The following MERTK variants were observed in gnomAD, a reference collection of about 807,000 sequenced individuals.
The protein encoded by MERTK is tyrosine-protein kinase Mer.
In MERTK, 69 loss-of-function variants were observed where a neutral mutation model predicts 99.3. That is an observed-to-expected ratio of 0.70 (90% CI 0.57 to 0.85). The LOEUF (loss-of-function observed/expected upper bound fraction) is 0.85, where lower values mean the gene tolerates loss of function less well. Ranked by LOEUF, MERTK falls within the 40% of genes least tolerant of loss-of-function variation. MERTK has a pLI of 0.00. For missense variants in MERTK, 1,125 were observed against 1,249.4 expected (o/e 0.90, Z 1.50); for synonymous variants, 426 against 467.6 (o/e 0.91, Z 1.15).
At chr2:112,008,728 T>C in intron 14 of MERTK, 2 of 558,098 alleles carry the variant, frequency 3.6e-6, no homozygotes, top group African/African-American at 1.9e-5. Flanking sequence ...TCTAGGAGAG[T>C]GTGAATTAAA....
intron 15 of MERTK, among the ~76,000 whole-genome samples, chr2:112,010,800 G>C (rs1677083551): frequency 6.6e-6 from 1 of 152,196 alleles, no homozygotes; most frequent in African/African-American, 2.4e-5. Flanking sequence ...TAGACTGCGA[G>C]CAGGCGGTGT....
chr2:111,903,592 A>G (rs1684084452), intron 1 of MERTK, among the ~76,000 whole-genome samples: 1 of 152,242 alleles, frequency 6.6e-6, no homozygotes. Flanking sequence ...ATCTTAACCC[A>G]AAGCACATGG....
chr2:111,925,051 G>T (rs1486449435), intron 1 of MERTK, among the ~76,000 whole-genome samples: 1 of 151,568 alleles, frequency 6.6e-6, no homozygotes, highest in Non-Finnish European at 1.5e-5. Context: ...GTCAGAGAAG[G>T]CCTCCCTGAT....
At chr2:111,910,806 A>G (rs771799676) in intron 1 of MERTK, among the ~76,000 whole-genome samples, 3 of 152,154 alleles carry the variant, frequency 2.0e-5, no homozygotes, top group Non-Finnish European at 4.4e-5. Flanking sequence ...GTAGAAGTAA[A>G]AAGTAGGACA....
chr2:112,018,852 G>T (rs6735758), intron 15 of MERTK, among the ~76,000 whole-genome samples: 1 of 152,120 alleles, frequency 6.6e-6, no homozygotes, highest in African/African-American at 2.4e-5. Context: ...TGTACTTGTG[G>T]TGCTTTGGTC....
chr2:111,975,206 G>A lies in MERTK; in HGVS notation c.961-83G>A, dbSNP rs1282508323. 1.6e-5 allele frequency: 22 copies of A among 1,350,846 alleles called. 1 individual carries two copies. Among genetic ancestry groups the A allele is most frequent in the South Asian group, 7.0e-5 (6 of 85,412 alleles). 83.7% of individuals were successfully genotyped at this position (1,350,846 alleles called of 1,614,324 possible). ...CCCCTTAGCGTAGAGGAAGGGCCAC[G>A]TGCACCGAATGCACACAGGCCCCGT... On this transcript the variant is annotated intron_variant, in intron 6 of 18. Transcript: ENST00000295408.
At chr2:112,014,061 G>A (rs1473935766) in intron 15 of MERTK, among the ~76,000 whole-genome samples, 4 of 143,030 alleles carry the variant, frequency 2.8e-5, no homozygotes, top group Non-Finnish European at 3.0e-5. Context: ...TCGCTCTGTC[G>A]CCCAGGCTGG....
intron 2 of MERTK, among the ~76,000 whole-genome samples, chr2:111,936,084 T>C (rs1238598177): frequency 1.3e-5 from 2 of 152,050 alleles, no homozygotes; most frequent in African/African-American, 2.4e-5. Flanking sequence ...GCCCAGCTAA[T>C]TTTTTGTATT....
intron 6 of MERTK, among the ~76,000 whole-genome samples, chr2:111,974,087 A>C (rs764512580): frequency 1.0e-3 from 159 of 151,522 alleles, no homozygotes; most frequent in Non-Finnish European, 1.9e-3. Context: ...AGAATAAAGG[A>C]CACACTAAAA....
At chr2:111,921,721 C>G (rs1684462356) in intron 1 of MERTK, among the ~76,000 whole-genome samples, 1 of 152,068 alleles carries the variant, frequency 6.6e-6, no homozygotes, top group Admixed American at 6.6e-5. Context: ...AAGATAAGCC[C>G]TCACTCTTTT....
At chr2:111,964,449 T>A (rs897519164) in intron 4 of MERTK, among the ~76,000 whole-genome samples, 1 of 152,090 alleles carries the variant, frequency 6.6e-6, no homozygotes, top group Non-Finnish European at 1.5e-5. Context: ...TTGTGTTTGT[T>A]TTATATTTTA....
rs528846072 is a variant in MERTK at position 111,915,758 on chromosome 2, G to A, written c.62-13362G>A. On this transcript the variant is annotated intron_variant, in intron 1 of 18. Transcript: ENST00000295408. ...TAAATACAAAAAATTAGCCAGGCTT[G>A]GTGGCACGTGCCTGTAATCCCAGCT... 1.2e-4 allele frequency among the ~76,000 whole-genome samples: 19 copies of A among 152,254 alleles called. No homozygotes were observed. The East Asian group carries it at 3.5e-3, about 28-fold the overall frequency.
intron 13 of MERTK, among the ~76,000 whole-genome samples, chr2:112,007,979 T>C (rs1251050081): frequency 6.6e-6 from 1 of 152,034 alleles, no homozygotes; most frequent in Non-Finnish European, 1.5e-5. Flanking sequence ...ACACACATAA[T>C]TTCTCCTATT....
chr2:112,027,606 G>A (rs1418789041), intron 18 of MERTK, among the ~76,000 whole-genome samples: 2 of 152,042 alleles, frequency 1.3e-5, no homozygotes, highest in South Asian at 2.1e-4. Context: ...GCACTTGGAC[G>A]CAGGAGTTGT....
At chr2:111,909,852 T>C (rs1684209239) in intron 1 of MERTK, among the ~76,000 whole-genome samples, 1 of 152,088 alleles carries the variant, frequency 6.6e-6, no homozygotes, top group Non-Finnish European at 1.5e-5. Flanking sequence ...GGGAACACTA[T>C]GAAGAATGGT....
chr2:112,020,617 A>G (rs979655254), intron 16 of MERTK: 5 of 470,942 alleles, frequency 1.1e-5, no homozygotes, highest in African/African-American at 8.0e-5. Flanking sequence ...CCACCTGGCC[A>G]TCTTAGCAAG....
At chr2:112,015,137 C>T (rs1677191737) in intron 15 of MERTK, among the ~76,000 whole-genome samples, 1 of 152,182 alleles carries the variant, frequency 6.6e-6, no homozygotes, top group African/African-American at 2.4e-5. Flanking sequence ...AATGAGACTG[C>T]TATAAAATTC....
At position 111,965,372 on chromosome 2, in the gene MERTK, T is replaced by A. The variant is rs902980187; in HGVS notation, c.844+95T>A. On this transcript the variant is annotated intron_variant, in intron 5 of 18. Coordinates refer to ENST00000295408, the MANE Select transcript of MERTK (RefSeq NM_006343.3). ...TGGCTGCCTGGGTGTGGATCCTGGC[T>A]TTCTCACTGTCTCAAGGTTCTTTGT... The A allele has an allele frequency of 1.6e-5, 18 of 1,145,008 alleles. 1 individual carries two copies. The African/African-American group carries it at 2.8e-4, about 18-fold the overall frequency. The allele number at this position is 1,145,008 out of a possible 1,614,324, so 70.9% of individuals were successfully genotyped here.
intron 4 of MERTK, among the ~76,000 whole-genome samples, chr2:111,951,522 C>CATATATATATATATATCTATATATATAT (rs1685054405): frequency 1.2e-5 from 1 of 85,870 alleles, no homozygotes; most frequent in African/African-American, 3.9e-5. Flanking sequence ...ATAATATTCC[C>CATATATATATATATATCTATATATATAT]ATATATATAT....
Sources: allele counts gnomAD v4.1 joint callset (sites outside exome capture counted in the v4.1 genomes callset), GRCh38; gene constraint gnomAD v4.1.1; transcripts MANE v1.5; gene names NCBI Gene and HGNC (gene_info 2026-07-23, HGNC 2026-07-21).